CD55: variants seen among roughly 807,000 people sequenced by gnomAD.
CD55 encodes complement decay-accelerating factor.
Under a neutral mutation model 45.8 loss-of-function variants are expected in CD55, and 41 were observed. That is an observed-to-expected ratio of 0.90 (90% CI 0.70 to 1.16). The LOEUF is 1.16. Among genes scored for constraint, CD55 ranks in the 50% most tolerant of loss-of-function variants. The probability of loss-of-function intolerance (pLI) is 0.00; values close to 1 mark genes in which losing one functional copy is unlikely to be tolerated. For missense variants in CD55, 416 were observed against 469.8 expected, an observed-to-expected ratio of 0.89 and a Z score of 1.06; for synonymous variants, 181 against 181.1, an observed-to-expected ratio of 1.00 and a Z score of 0.01.
At chr1:207,340,397 G>T in intron 9 of CD55, 9 of 435,578 alleles carry the variant, frequency 2.1e-5, no homozygotes, top group South Asian at 2.0e-4. Context: ...ACAGGTTCTC[G>T]TCCTGTCACC....
At chr1:207,346,990 G>A in intron 9 of CD55, 2 of 418,568 alleles carry the variant, frequency 4.8e-6, no homozygotes, top group South Asian at 3.5e-5. Context: ...GTCTCTCCAG[G>A]CTTCCAGGCA....
At chr1:207,328,678 C>T (rs1402523242) in intron 5 of CD55, among the ~76,000 whole-genome samples, 1 of 152,132 alleles carries the variant, frequency 6.6e-6, no homozygotes, top group Non-Finnish European at 1.5e-5. Flanking sequence ...AGAATCAATC[C>T]CTGCTATATG....
chr1:207,322,227 T>C (rs183632831), intron 1 of CD55, 155 bp from the exon 2 acceptor site: 1 of 752,810 alleles, frequency 1.3e-6, no homozygotes, highest in Admixed American at 2.0e-5. Flanking sequence ...CGTTCCCCAC[T>C]CTCGACAGAG....
intron 5 of CD55, among the ~76,000 whole-genome samples, chr1:207,330,086 C>T (rs141752863): frequency 1.1e-3 from 167 of 152,200 alleles, no homozygotes; most frequent in African/African-American, 3.9e-3. Context: ...TTCAGCTTTG[C>T]GCTTCCAATT....
In CD55 at chr1:207,331,146, A is replaced by G; in HGVS notation, c.703A>G (p.Ile235Val). The G allele has an allele frequency of 6.2e-7, 1 of 1,613,550 alleles. No individual in the cohort carries two copies. Among genetic ancestry groups the G allele is most frequent in the Non-Finnish European group, 8.5e-7 (1 of 1,179,658 alleles). Reference sequence around the variant, plus strand: ...AGCACCACCACAAATTGACAATGGAATAATTCAAGGGGAACGTGACCATTA... The same window carrying G: ...AGCACCACCACAAATTGACAATGGAGTAATTCAAGGGGAACGTGACCATTA... ...CPAPPQIDNG[I>V]IQGERDHYGY... Residue 235 changes from isoleucine to valine, a missense_variant, in exon 6 of 10, where the codon ATA becomes GTA. By Grantham distance (29) the Ile-to-Val change is conservative. This residue lies in a region of CD55 where 182 missense variants were observed against 201.4 expected (regional missense o/e 0.90). Transcript: ENST00000367064.
intron 6 of CD55, among the ~76,000 whole-genome samples, chr1:207,334,892 A>G (rs569570458): frequency 1.1e-3 from 104 of 98,410 alleles, no homozygotes; most frequent in African/African-American, 3.8e-3. Flanking sequence ...AAAAGATTTT[A>G]AAAAGAACCT....
chr1:207,328,931 C>T (rs1309052365), intron 5 of CD55, among the ~76,000 whole-genome samples: 1 of 152,230 alleles, frequency 6.6e-6, no homozygotes, highest in East Asian at 1.9e-4. Context: ...TCAAATAGCC[C>T]TTCCTCTTCC....
intron 5 of CD55, among the ~76,000 whole-genome samples, chr1:207,329,411 A>G (rs1298614701): frequency 6.6e-6 from 1 of 152,192 alleles, no homozygotes; most frequent in East Asian, 1.9e-4. Flanking sequence ...TTTTACCCAG[A>G]GCGATCTGAA....
chr1:207,356,719 G>A (rs1219297239), intron 9 of CD55, among the ~76,000 whole-genome samples: 1 of 152,048 alleles, frequency 6.6e-6, no homozygotes, highest in Admixed American at 6.5e-5. Context: ...ACATTGCTTG[G>A]CACATAGTAA....
chr1:207,358,494 T>G (rs889901652), intron 9 of CD55: 3 of 152,184 alleles, frequency 2.0e-5, no homozygotes, highest in African/African-American at 7.2e-5. Flanking sequence ...ATTCAATAGT[T>G]TTTTTCTTCT....
At chr1:207,347,352 C>T (rs189258477) in intron 9 of CD55, 103 of 378,070 alleles carry the variant, frequency 2.7e-4, no homozygotes, top group African/African-American at 1.7e-3. Flanking sequence ...CTCTGCCTCC[C>T]GGGTTCACGC....
chr1:207,326,048 C>G (rs1019181321), intron 4 of CD55, among the ~76,000 whole-genome samples: 3 of 152,146 alleles, frequency 2.0e-5, no homozygotes, highest in Non-Finnish European at 4.4e-5. Context: ...CTAAACCAAT[C>G]TTTAGTTGAC....
chr1:207,359,526 T>C lies in CD55; in HGVS notation c.1082-20T>C. On this transcript the variant is annotated intron_variant, in intron 9 of 9. Coordinates refer to ENST00000367064, the MANE Select transcript of CD55 (RefSeq NM_000574.5). ...TCATTTTGATTTTAACTTTTTTTTT[T>C]TTTTTTTTTTAATTTTCAGGGCACA... The C allele has an allele frequency of 6.6e-7, 1 of 1,522,090 alleles. No homozygotes were observed. The allele number at this position is 1,522,090 out of a possible 1,614,324, so 94.3% of individuals were successfully genotyped here.
chr1:207,343,967 A>G (rs753295859), intron 9 of CD55, among the ~76,000 whole-genome samples: 13 of 152,198 alleles, frequency 8.5e-5, no homozygotes, highest in Admixed American at 5.2e-4. Flanking sequence ...TTCATCTGAT[A>G]TAAGTACAGC....
chr1:207,334,741 T>C (rs1296878283), intron 6 of CD55, among the ~76,000 whole-genome samples: 2 of 92,282 alleles, frequency 2.2e-5, no homozygotes, highest in African/African-American at 8.1e-5. Flanking sequence ...GGATATTTAA[T>C]CCAAAAGAGA....
At chr1:207,334,588 C>T (rs114406671) in intron 6 of CD55, among the ~76,000 whole-genome samples, 169 of 152,232 alleles carry the variant, frequency 1.1e-3, no homozygotes, top group African/African-American at 4.0e-3. Context: ...AAAGGTTACA[C>T]AGTTCTAGCA....
At chr1:207,328,321 AG>A in intron 5 of CD55, among the ~76,000 whole-genome samples, 1 of 152,308 alleles carries the variant, frequency 6.6e-6, no homozygotes, top group East Asian at 1.9e-4. Flanking sequence ...TATCCCTATA[AG>A]GCCTTACTTC....
intron 4 of CD55, 120 bp from the exon 5 acceptor site, chr1:207,326,632 T>C (rs1483837379): frequency 5.5e-6 from 4 of 729,584 alleles, no homozygotes; most frequent in Non-Finnish European, 9.4e-6. Flanking sequence ...TTTTATCAAC[T>C]ACTGTTTTAT....
intron 9 of CD55, chr1:207,347,209 A>C (rs571152423): frequency 2.6e-5 from 12 of 456,268 alleles, no homozygotes; most frequent in African/African-American, 2.4e-4. Flanking sequence ...ATACTGTCTT[A>C]GGAAAACAAT....
Sources: gnomAD v4.1 joint callset for allele counts (sites outside exome capture counted in the v4.1 genomes callset) on GRCh38, gnomAD v4.1.1 for gene constraint, gnomAD v4.1.1 regional missense constraint, MANE v1.5 for transcripts, NCBI Gene and HGNC (gene_info 2026-07-23, HGNC 2026-07-21) for gene names.